KCNAB2: variants seen among roughly 807,000 people sequenced by gnomAD.
KCNAB2 encodes the protein potassium voltage-gated channel subfamily A regulatory beta subunit 2.
In KCNAB2, 29 loss-of-function variants were observed where a neutral mutation model predicts 63.6. The ratio of observed to expected loss-of-function variants is 0.46; its 90% CI spans 0.34 to 0.62. The LOEUF is 0.62. KCNAB2 is among the 20% of genes least tolerant of loss of function. The pLI, the probability that KCNAB2 is intolerant of heterozygous loss-of-function variation, is 0.01. For synonymous variants in KCNAB2, 222 were observed against 224.2 expected (o/e 0.99, Z 0.09); for missense variants, 359 against 563.9 (o/e 0.64, Z 3.68).
chr1:6,026,723 C>T (rs569085995), intron 1 of KCNAB2, among the ~76,000 whole-genome samples: 17 of 152,210 alleles, frequency 1.1e-4, no homozygotes, highest in Non-Finnish European at 2.1e-4. Flanking sequence ...AGATGTCTGA[C>T]GGCCGCACAT....
Position 6,100,129 on chromosome 1 carries a change from C to T in KCNAB2, c.*1555C>T, listed in dbSNP as rs948824600. The T allele has an allele frequency of 7.7e-6, 11 of 1,422,852 alleles. No individual in the cohort carries two copies. The highest frequency in any genetic ancestry group is 2.9e-5 in the African/African-American group (2 of 69,146). The allele number at this position is 1,422,852 out of a possible 1,614,324, so 88.1% of individuals were successfully genotyped here. On this transcript the variant is annotated 3_prime_UTR_variant, in exon 16 of 16. Transcript: ENST00000378083. ...ACTATTCCAGAAGGCTCCACCCTGC[C>T]GTCCTGCGGGAGCCTGCTGTCCAGT...
chr1:6,023,506 G>T (rs905429456), intron 1 of KCNAB2, among the ~76,000 whole-genome samples: 3 of 152,124 alleles, frequency 2.0e-5, no homozygotes, highest in African/African-American at 7.2e-5. Flanking sequence ...CTGCGAGGTA[G>T]TATCTCACTG....
chr1:6,048,540 C>T (rs1381674542), intron 1 of KCNAB2, among the ~76,000 whole-genome samples: 3 of 152,254 alleles, frequency 2.0e-5, no homozygotes, highest in Non-Finnish European at 4.4e-5. Flanking sequence ...GCCACCCCGT[C>T]CTCCAGCCCC....
At chr1:6,013,803 TG>T (rs1417472833) in intron 1 of KCNAB2, among the ~76,000 whole-genome samples, 2 of 152,066 alleles carry the variant, frequency 1.3e-5, no homozygotes, top group Non-Finnish European at 2.9e-5. Context: ...ACCCACCCCC[TG>T]CTGCTGCCCG....
chr1:6,040,613 G>C, exon 2 of KCNAB2: 1 of 1,614,074 alleles, frequency 6.2e-7, no homozygotes, highest in Non-Finnish European at 8.5e-7. Flanking sequence ...GGCTCTCGCT[G>C]CGGCAGACGG....
chr1:6,055,117 A>G (rs567406366), intron 2 of KCNAB2, among the ~76,000 whole-genome samples: 5 of 152,324 alleles, frequency 3.3e-5, no homozygotes, highest in African/African-American at 1.2e-4. Context: ...CCTGGACTTC[A>G]GACTCCAGAA....
Position 6,086,318 on chromosome 1 carries a change from C to T in KCNAB2, c.425+1070C>T, listed in dbSNP as rs1287407286. The T allele has an allele frequency of 1.0e-6, 1 of 985,176 alleles. No individual in the cohort carries two copies. 61.0% of individuals were successfully genotyped at this position (985,176 alleles called of 1,614,324 possible). ...ATTTGTTTTTTGGCAACTCTGATCC[C>T]AAAACAAATTCCTCCTCACCCTGTA... On this transcript the variant is annotated intron_variant, in intron 6 of 15. Transcript: ENST00000378083. The surrounding 1 kb of genome is among the most constrained non-coding windows in gnomAD (Gnocchi z 4.2).
intron 1 of KCNAB2, among the ~76,000 whole-genome samples, chr1:6,012,883 G>T (rs1210691678): frequency 6.6e-6 from 1 of 152,018 alleles, no homozygotes; most frequent in African/African-American, 2.4e-5. Context: ...GCATGCCCAT[G>T]AGATGCCTGG....
rs113070813 is a variant in KCNAB2, at chr1:6,079,450, C to T, written c.301-2745C>T. Among the ~76,000 whole-genome samples, 1,123 of 151,706 alleles carry T rather than the reference C, an allele frequency of 7.4e-3. 12 individuals carry two copies. The highest frequency in any genetic ancestry group is 0.026 in the African/African-American group (1,074 of 41,358). ...AGGAGAATCTCCTGAAGCCAGGAGG[C>T]AAAGGTTGCAGCGAGCCAAGATTGT... is the stretch of plus-strand genomic sequence containing the variant. On this transcript the variant is annotated intron_variant, in intron 4 of 15. Transcript: ENST00000378083.
At chr1:6,037,162 G>C (rs1660106283) in intron 1 of KCNAB2, among the ~76,000 whole-genome samples, 1 of 152,226 alleles carries the variant, frequency 6.6e-6, no homozygotes, top group Non-Finnish European at 1.5e-5. Context: ...GGGAAATGCA[G>C]ATTCTTGGAC....
chr1:6,074,583 G>A lies in KCNAB2; in HGVS notation c.300+813G>A, dbSNP rs1010547013. Reference sequence around the variant, plus strand: ...ATTGATGTGAGACCTTGTTAGCTGCGATTGCTCAGTTTCCAAGGGAAAGCT... The same window carrying A: ...ATTGATGTGAGACCTTGTTAGCTGCAATTGCTCAGTTTCCAAGGGAAAGCT... On this transcript the variant is annotated intron_variant, in intron 4 of 15. Coordinates refer to ENST00000378083, the MANE Select transcript of KCNAB2 (RefSeq NM_001199862.2). This position sits in a 1 kb window ranked among gnomAD's most constrained non-coding sequence, Gnocchi z 4.9. Among the ~76,000 whole-genome samples, 4 of 152,226 alleles carry A rather than the reference G, an allele frequency of 2.6e-5. No individual in the cohort carries two copies. Among genetic ancestry groups the A allele is most frequent in the Non-Finnish European group, 4.4e-5 (3 of 68,036 alleles).
chr1:6,031,032 A>G (rs960588754), upstream of KCNAB2, among the ~76,000 whole-genome samples: 2 of 151,904 alleles, frequency 1.3e-5, no homozygotes, highest in Non-Finnish European at 2.9e-5. The surrounding 1 kb of genome is among the most constrained non-coding windows in gnomAD (Gnocchi z 4.1). Flanking sequence ...CACCTCCCAT[A>G]CCCTTATGCC....
At chr1:6,046,751 C>A (rs1371264447) in intron 1 of KCNAB2, among the ~76,000 whole-genome samples, 2 of 152,218 alleles carry the variant, frequency 1.3e-5, no homozygotes, top group African/African-American at 2.4e-5. Context: ...TCCATTTCCG[C>A]TTTGGAGAAC....
At chr1:6,025,417 A>T (rs1219061256) in intron 1 of KCNAB2, among the ~76,000 whole-genome samples, 1 of 152,126 alleles carries the variant, frequency 6.6e-6, no homozygotes, top group Non-Finnish European at 1.5e-5. Context: ...AGAGTGAGTC[A>T]CCAGAGAGCC....
In KCNAB2 at chr1:6,078,033, G is replaced by T. The variant is rs1038511685; in HGVS notation, c.301-4162G>T. 1.3e-5 allele frequency among the ~76,000 whole-genome samples: 2 copies of T among 149,820 alleles called. No individual in the cohort carries two copies. Among genetic ancestry groups the T allele is most frequent in the Non-Finnish European group, 3.0e-5 (2 of 67,570 alleles). Reference sequence around the variant, plus strand: ...CTAAGTCCAGGAGTCAGCCGGGCCGGGCTTCCTTCTCCCGGCCAGGACCTT... The same window carrying T: ...CTAAGTCCAGGAGTCAGCCGGGCCGTGCTTCCTTCTCCCGGCCAGGACCTT... On this transcript the variant is annotated intron_variant, in intron 4 of 15. Coordinates refer to ENST00000378083, the MANE Select transcript of KCNAB2 (RefSeq NM_001199862.2). This position sits in a 1 kb window ranked among gnomAD's most constrained non-coding sequence, Gnocchi z 4.2.
chr1:6,030,448 CGT>C (rs139805306), upstream of KCNAB2, among the ~76,000 whole-genome samples: 137 of 149,622 alleles, frequency 9.2e-4, no homozygotes, highest in Middle Eastern at 3.4e-3. Context: ...ACCCCTCCAA[CGT>C]GTGTGTGTGT....
At position 6,095,660 on chromosome 1, in the gene KCNAB2, G is replaced by A. The variant is rs1171971920; in HGVS notation, c.948+36G>A. 3.8e-6 allele frequency: 6 copies of A among 1,598,906 alleles called. No homozygotes were observed. The South Asian group carries it at 6.6e-5, about 18-fold the overall frequency. ...AGCCTGGTGGGGAGGGACGGGCAGGGGATAGGCATTTTGGACGGGTGGGAC... is the reference window on the plus strand; with the variant it reads ...AGCCTGGTGGGGAGGGACGGGCAGGAGATAGGCATTTTGGACGGGTGGGAC... On this transcript the variant is annotated intron_variant, in intron 13 of 15. Transcript: ENST00000378083.
chr1:6,052,286 A>T (rs904495089), intron 2 of KCNAB2, among the ~76,000 whole-genome samples: 1 of 152,144 alleles, frequency 6.6e-6, no homozygotes, highest in Non-Finnish European at 1.5e-5. Flanking sequence ...TTAGGTAGGC[A>T]TGGTGCCATG....
At chr1:6,089,638 C>A (rs1665014394) in intron 8 of KCNAB2, among the ~76,000 whole-genome samples, 1 of 152,262 alleles carries the variant, frequency 6.6e-6, no homozygotes, top group South Asian at 2.1e-4. Flanking sequence ...ACTCTGCCGG[C>A]TGTGTGTCCT....
Sources: allele counts gnomAD v4.1 joint callset (sites outside exome capture counted in the v4.1 genomes callset), GRCh38; gene constraint gnomAD v4.1.1; non-coding constraint Gnocchi (gnomAD v3.1); transcripts MANE v1.5; gene names NCBI Gene and HGNC (gene_info 2026-07-23, HGNC 2026-07-21).